The following SLC16A8 variants were observed in gnomAD, a reference collection of about 807,000 sequenced individuals.
SLC16A8 encodes the protein monocarboxylate transporter 3.
SLC16A8 carries 20 observed loss-of-function variants against 22.4 expected under a neutral mutation model. That is an observed-to-expected ratio of 0.89 (90% confidence interval 0.63 to 1.30). The LOEUF (loss-of-function observed/expected upper bound fraction) is 1.30. Among genes scored for constraint, SLC16A8 ranks in the 50% most tolerant of loss-of-function variants. The probability of loss-of-function intolerance (pLI) is 0.00; values close to 1 mark genes in which losing one functional copy is unlikely to be tolerated. For missense variants in SLC16A8, 817 were observed against 740.3 expected (o/e 1.10, Z -1.20); for synonymous variants, 393 against 358.8 (o/e 1.10, Z -1.08).
intron 4 of SLC16A8, 75 bp from the exon 5 acceptor site, chr22:38,081,754 C>A (rs988296236): frequency 6.2e-6 from 9 of 1,457,718 alleles, no homozygotes; most frequent in African/African-American, 5.7e-5. Flanking sequence ...AGGGGCCAGG[C>A]CCGGGAACCC....
Position 38,083,118 on chromosome 22 carries a change from G to T in SLC16A8, c.-85C>A, listed in dbSNP as rs929328123. 6.5e-5 allele frequency: 35 copies of T among 539,048 alleles called. 1 individual carries two copies. The Admixed American group carries it at 9.0e-4, about 14-fold the overall frequency. The allele number at this position is 539,048 out of a possible 1,614,324, so 33.4% of individuals were successfully genotyped here. On this transcript the variant is annotated 5_prime_UTR_variant, in exon 2 of 6. Transcript: ENST00000681075. The stretch of plus-strand genomic sequence containing the variant: ...GGGTCCCACCTGACTCTGCACCTCT[G>T]CAGGCTCCCTCTGAAGGACAACTGC...
intron 5 of SLC16A8, 49 bp downstream of exon 5, chr22:38,080,791 G>C: frequency 7.0e-7 from 1 of 1,434,786 alleles, no homozygotes; most frequent in South Asian, 1.5e-5. Flanking sequence ...GAGCTTCCCT[G>C]GGTCTAAGGG....
At chr22:38,078,964 A>G (rs1174847742) in intron 5 of SLC16A8, among the ~76,000 whole-genome samples, 7 of 152,112 alleles carry the variant, frequency 4.6e-5, no homozygotes, top group Non-Finnish European at 1.0e-4. Context: ...CGTCCCCTCC[A>G]CCCTCTGATT....
rs556595767 is a variant in SLC16A8, at chr22:38,079,999, C to T, written c.1198+841G>A. Among the ~76,000 whole-genome samples, 17 of 152,340 alleles carry T rather than the reference C, an allele frequency of 1.1e-4. No individual in the cohort carries two copies. In the South Asian group the frequency reaches 2.9e-3, roughly 26 times the overall value. On this transcript the variant is annotated intron_variant, in intron 5 of 5. Transcript: ENST00000681075. ...CCCTGAAGGAAGGACGAGCAGCTCACCCCATCTCAGTGCAGCCTGCGGCCC... is the reference window on the plus strand; with the variant it reads ...CCCTGAAGGAAGGACGAGCAGCTCATCCCATCTCAGTGCAGCCTGCGGCCC...
chr22:38,080,709 G>A lies in SLC16A8; in HGVS notation c.1198+131C>T, dbSNP rs1022811736. ...GGCTTGGAGGAGGGACTAACTGGCC[G>A]TGAAGGGGAGTCCACCCACCCGACT... On this transcript the variant is annotated intron_variant, in intron 5 of 5. Transcript: ENST00000681075. The A allele has an allele frequency of 3.9e-5, 49 of 1,272,560 alleles. No individual in the cohort carries two copies. The African/African-American group carries it at 6.9e-4, about 18-fold the overall frequency. The allele number at this position is 1,272,560 out of a possible 1,614,324, so 78.8% of individuals were successfully genotyped here. A position where few individuals can be genotyped will look rare whatever the true frequency, so the allele number is the denominator to read the frequency against.
intron 5 of SLC16A8, among the ~76,000 whole-genome samples, chr22:38,080,569 G>A (rs547861384): frequency 2.0e-5 from 3 of 152,192 alleles, no homozygotes; most frequent in Admixed American, 6.5e-5. Context: ...AAGCACCTGC[G>A]CTCCAGATGG....
At position 38,083,244 on chromosome 22, in the gene SLC16A8, C is replaced by T; in HGVS notation, c.-211G>A. On this transcript the variant is annotated 5_prime_UTR_variant, in exon 2 of 6. Coordinates refer to ENST00000681075, the MANE Select transcript of SLC16A8 (RefSeq NM_013356.3). ...AAAGTCGCCCCGTACGCGTGAGGGT[C>T]TCGGGACAACAGAACAAACAGCAGA... 3.8e-6 allele frequency: 1 copy of T among 265,086 alleles called. No individual in the cohort carries two copies. Among genetic ancestry groups the T allele is most frequent in the Non-Finnish European group, 7.2e-6 (1 of 138,786 alleles). The allele number at this position is 265,086 out of a possible 1,614,324, so 16.4% of individuals were successfully genotyped here.
chr22:38,082,066 G>A (rs773008917), intron 3 of SLC16A8, 34 bp from the exon 4 acceptor site: 2 of 1,548,238 alleles, frequency 1.3e-6, no homozygotes, highest in Non-Finnish European at 1.7e-6. Flanking sequence ...CCCGGGTCCC[G>A]GGATGGCTTG....
Position 38,078,339 on chromosome 22 carries a change from G to T in SLC16A8, c.*49C>A, listed in dbSNP as rs1175275935. The T allele has an allele frequency of 1.3e-6, 2 of 1,527,352 alleles. No individual in the cohort carries two copies. The highest frequency in any genetic ancestry group is 2.7e-5 in the African/African-American group (2 of 73,136). The allele number at this position is 1,527,352 out of a possible 1,614,324, so 94.6% of individuals were successfully genotyped here. A position where few individuals can be genotyped will look rare whatever the true frequency, so the allele number is the denominator to read the frequency against. On this transcript the variant is annotated 3_prime_UTR_variant, in exon 6 of 6. Coordinates refer to ENST00000681075, the MANE Select transcript of SLC16A8 (RefSeq NM_013356.3). ...CAGCGTACCAGGCTCTCTGAGACAAGAAGCTGTGTTCCCAAGTCACTGGGC... is the reference window on the plus strand; with the variant it reads ...CAGCGTACCAGGCTCTCTGAGACAATAAGCTGTGTTCCCAAGTCACTGGGC...
rs1374277718 is a variant in SLC16A8 at position 38,081,515 on chromosome 22, C to G, written c.523G>C (p.Gly175Arg). 3.0e-5 allele frequency: 43 copies of G among 1,420,624 alleles called. No individual in the cohort carries two copies. The highest frequency in any genetic ancestry group is 3.4e-5 in the Non-Finnish European group (37 of 1,100,764). 88.0% of individuals were successfully genotyped at this position (1,420,624 alleles called of 1,614,324 possible). The change falls in exon 5 of 6, where the codon GGC becomes CGC. Residue 175 changes from glycine (G) to arginine (R), a missense_variant. Coordinates refer to ENST00000681075, the MANE Select transcript of SLC16A8 (RefSeq NM_013356.3). The part of the protein sequence containing the change: ...QQLLERFGWR[G>R]GFLLLGGLLL... ...AGCCCGCCGAGCAGCAGGAAGCCGC[C>G]GCGCCAGCCGAAGCGCTCCAGCAGC...
Position 38,081,098 on chromosome 22 carries a change from GCGCCAGGCCCGCCAGGGCGCCGCA to G in SLC16A8, c.916_939del (p.Cys306_Ala313del). The G allele has an allele frequency of 6.4e-7, 1 of 1,554,196 alleles. No homozygotes were observed. Among genetic ancestry groups the G allele is most frequent in the Non-Finnish European group, 8.7e-7 (1 of 1,152,522 alleles). On this transcript the variant is annotated inframe_deletion, in exon 5 of 6. Transcript: ENST00000681075. ...AGATACGGGACGTGCGGCCGCAGAC[GCGCCAGGCCCGCCAGGGCGCCGCA>G]CGCCGGGCGCGCCACGATGTCCACG... is the stretch of plus-strand genomic sequence containing the variant.
chr22:38,082,808 C>T lies in SLC16A8; in HGVS notation c.66G>A (p.Leu22=). 1 of 1,589,266 alleles carries T rather than the reference C, an allele frequency of 6.3e-7. No homozygotes were observed. The stretch of plus-strand genomic sequence containing the variant: ...AGCCGGTGACCACAAAGCAGGCGCC[C>T]AGCACCACCCAGCCCCAGCCGCCGT... ...PPDGGWGWVV[L]GACFVVTGFA... Residue 22 remains leucine, a synonymous_variant, in exon 3 of 6, where the codon CTG becomes CTA. Transcript: ENST00000681075.
Position 38,081,936 on chromosome 22 carries a change from A to G in SLC16A8, c.311T>C (p.Phe104Ser). 2 of 1,574,404 alleles carry G rather than the reference A, an allele frequency of 1.3e-6. No individual in the cohort carries two copies. Among genetic ancestry groups the G allele is most frequent in the African/African-American group, 1.3e-5 (1 of 74,204 alleles). ...GTAGAGCTCCAGGAGGCGCGTGGCA[A>G]AGGAAGCTAGGATCATGCCCGCGGA... ...LASAGMILAS[F>S]ATRLLELYLT... The change falls in exon 4 of 6, where the codon TTT becomes TCT. Residue 104 changes from phenylalanine to serine, a missense_variant. Phe to Ser is a radical substitution (Grantham distance 155). Transcript: ENST00000681075.
rs2085948474 is a variant in SLC16A8 at position 38,083,256 on chromosome 22, G to T, written c.-223C>A. 1 of 245,678 alleles carries T rather than the reference G, an allele frequency of 4.1e-6. No homozygotes were observed. Among genetic ancestry groups the T allele is most frequent in the South Asian group, 1.0e-4 (1 of 9,602 alleles). The allele number at this position is 245,678 out of a possible 1,614,324, so 15.2% of individuals were successfully genotyped here. On this transcript the variant is annotated 5_prime_UTR_variant, in exon 2 of 6. The change creates a new upstream start codon in the 5' untranslated region. Coordinates refer to ENST00000681075, the MANE Select transcript of SLC16A8 (RefSeq NM_013356.3). The stretch of plus-strand genomic sequence containing the variant: ...TACGCGTGAGGGTCTCGGGACAACA[G>T]AACAAACAGCAGAGGGGCAGATGCC...
Position 38,082,078 on chromosome 22 carries a change from G to C in SLC16A8, c.215-46C>G, listed in dbSNP as rs1235356420. On this transcript the variant is annotated intron_variant, in intron 3 of 5. Coordinates refer to ENST00000681075, the MANE Select transcript of SLC16A8 (RefSeq NM_013356.3). ...CCACCCGGGTCCCGGGATGGCTTGA[G>C]TCCTCTAAGGAATAAGGTCACCTCC... is the stretch of plus-strand genomic sequence containing the variant. 2.6e-6 allele frequency: 4 copies of C among 1,531,036 alleles called. No individual in the cohort carries two copies. In the South Asian group the frequency reaches 5.0e-5, roughly 19 times the overall value. The allele number at this position is 1,531,036 out of a possible 1,614,324, so 94.8% of individuals were successfully genotyped here.
chr22:38,081,103 A>G lies in SLC16A8; in HGVS notation c.935T>C (p.Leu312Pro), dbSNP rs892327620. ...ARPACGALAG[L>P]ARLRPHVPYL... ...CGGGACGTGCGGCCGCAGACGCGCC[A>G]GGCCCGCCAGGGCGCCGCACGCCGG... Residue 312 changes from leucine to proline, a missense_variant, in exon 5 of 6, where the codon CTG becomes CCG. Physicochemically the swap from Leu to Pro is moderately conservative, Grantham distance 98. Transcript: ENST00000681075. 5 of 1,550,948 alleles carry G rather than the reference A, an allele frequency of 3.2e-6. No homozygotes were observed. The African/African-American group carries it at 5.4e-5, about 17-fold the overall frequency.
Position 38,078,140 on chromosome 22 carries a change from C to T in SLC16A8, c.*248G>A. 3 of 484,884 alleles carry T rather than the reference C, an allele frequency of 6.2e-6. No individual in the cohort carries two copies. Among genetic ancestry groups the T allele is most frequent in the South Asian group, 3.4e-5 (1 of 29,006 alleles). The allele number at this position is 484,884 out of a possible 1,614,324, so 30.0% of individuals were successfully genotyped here. A position where few individuals can be genotyped will look rare whatever the true frequency, so the allele number is the denominator to read the frequency against. On this transcript the variant is annotated 3_prime_UTR_variant, in exon 6 of 6. Transcript: ENST00000681075. ...TGGGCGGAGGAATAGAACCTTCTGT[C>T]GTTCAGCTGAGCTTTATCACCAGTT...
rs780636819 is a variant in SLC16A8 at position 38,082,768 on chromosome 22, G to A, written c.106C>T (p.Pro36Ser). The A allele has an allele frequency of 1.3e-5, 20 of 1,595,766 alleles. 1 individual carries two copies. In the South Asian group the frequency reaches 2.2e-4, roughly 18 times the overall value. ...CGGAAGAAGACGCTCACGGCTTTGG[G>A]GAAGCCGTAGGCGAAGCCGGTGACC... is the stretch of plus-strand genomic sequence containing the variant. ...FVVTGFAYGF[P>S]KAVSVFFRAL... is the part of the protein sequence containing the mutation. Residue 36 changes from proline to serine, a missense_variant, in exon 3 of 6, where the codon CCC becomes TCC. Pro to Ser is a moderately conservative substitution (Grantham distance 74). Coordinates refer to ENST00000681075, the MANE Select transcript of SLC16A8 (RefSeq NM_013356.3).
At position 38,081,397 on chromosome 22, in the gene SLC16A8, C is replaced by T; in HGVS notation, c.641G>A (p.Gly214Glu). ...AGCCTCCGCCTCGCCCGGAGCGTCC[C>T]CGGCGCGGTCGCCGGCGCTGTCCCT... ...PRRDSAGDRA[G>E]DAPGEAEADG... The change falls in exon 5 of 6, where the codon GGG becomes GAG. Residue 214 changes from glycine to glutamate, a missense_variant. Coordinates refer to ENST00000681075, the MANE Select transcript of SLC16A8 (RefSeq NM_013356.3). 7.3e-7 allele frequency: 1 copy of T among 1,366,788 alleles called. No homozygotes were observed. Among genetic ancestry groups the T allele is most frequent in the African/African-American group, 1.5e-5 (1 of 65,302 alleles). The allele number at this position is 1,366,788 out of a possible 1,614,324, so 84.7% of individuals were successfully genotyped here.
Sources: gnomAD v4.1 joint callset for allele counts (sites outside exome capture counted in the v4.1 genomes callset) on GRCh38, gnomAD v4.1.1 for gene constraint, MANE v1.5 for transcripts, NCBI Gene and HGNC (gene_info 2026-07-23, HGNC 2026-07-21) for gene names.